The following FGF3 variants were observed in gnomAD, a reference collection of about 807,000 sequenced individuals.
FGF3 encodes fibroblast growth factor 3, also known as FGF-3.
In FGF3, 7 loss-of-function variants were observed where a neutral mutation model predicts 9.8. The observed-to-expected ratio is 0.72, with a 90% confidence interval of 0.41 to 1.35. The LOEUF is 1.35. FGF3 is among the 40% of genes most tolerant of loss of function. The pLI is 0.01. For synonymous variants in FGF3, 173 were observed against 157.2 expected, an observed-to-expected ratio of 1.10 and a Z score of -0.75; for missense variants, 390 against 345.6, an observed-to-expected ratio of 1.13 and a Z score of -1.02.
At chr11:69,815,841 C>T (rs1249938372) in intron 2 of FGF3, among the ~76,000 whole-genome samples, 2 of 152,104 alleles carry the variant, frequency 1.3e-5, no homozygotes, top group Non-Finnish European at 2.9e-5. Flanking sequence ...GCGCCATCCC[C>T]CTTCCCCTCC....
At chr11:69,817,181 G>A (rs1437712442) in intron 1 of FGF3, among the ~76,000 whole-genome samples, 6 of 152,034 alleles carry the variant, frequency 3.9e-5, no homozygotes, top group Non-Finnish European at 8.8e-5. Flanking sequence ...ATCAAAGGAC[G>A]GGTTGGGGTC....
chr11:69,818,817 A>G lies in FGF3; in HGVS notation c.117T>C (p.Leu39=). The change falls in exon 1 of 3, where the codon CTT becomes CTC. Residue 39 remains leucine (L), a synonymous_variant. Transcript: ENST00000334134. The part of the protein sequence containing the change: ...AGGRGGVYEH[L]GGAPRRRKLY... ...GCTTGCGGCGCCGGGGCGCCCCGCC[A>G]AGGTGCTCGTAGACGCCGCCACGGC... is the stretch of plus-strand genomic sequence containing the variant. The G allele has an allele frequency of 3.4e-6, 5 of 1,489,116 alleles. No individual in the cohort carries two copies. The highest frequency in any genetic ancestry group is 4.4e-6 in the Non-Finnish European group (5 of 1,126,360). The allele number at this position is 1,489,116 out of a possible 1,614,324, so 92.2% of individuals were successfully genotyped here.
In FGF3 at chr11:69,819,174, A is replaced by G. The variant is rs565600108; in HGVS notation, c.-241T>C. 59 of 382,950 alleles carry G rather than the reference A, an allele frequency of 1.5e-4. No homozygotes were observed. Among genetic ancestry groups the G allele is most frequent in the African/African-American group, 1.2e-3 (57 of 47,708 alleles). 23.7% of individuals were successfully genotyped at this position (382,950 alleles called of 1,614,324 possible). On this transcript the variant is annotated 5_prime_UTR_variant, in exon 1 of 3. Transcript: ENST00000334134. ...ACGCGAGTCCCTTTAATTTCCACCC[A>G]GGAGCAATGAAATTTCCGTTGCTGC...
At position 69,810,683 on chromosome 11, in the gene FGF3, C is replaced by G. The variant is rs782234525; in HGVS notation, c.342G>C (p.Glu114Asp). 6.3e-7 allele frequency: 1 copy of G among 1,590,772 alleles called. No individual in the cohort carries two copies. The highest frequency in any genetic ancestry group is 1.1e-5 in the South Asian group (1 of 88,622). ...RLYASEHYSA[E>D]CEFVERIHEL... ...CGTGGATCCGCTCCACAAACTCGCA[C>G]TCGGCGCTGTAGTGCTCCTGCGGGG... The change falls in exon 3 of 3, where the codon GAG becomes GAC. Residue 114 changes from glutamate to aspartate, a missense_variant. By Grantham distance (45) the Glu-to-Asp change is conservative (BLOSUM62 2). Transcript: ENST00000334134.
intron 2 of FGF3, 77 bp from the exon 3 acceptor site, chr11:69,810,777 C>CACAGGAGGGGAGGGAGG: frequency 7.4e-7 from 1 of 1,348,858 alleles, no homozygotes; most frequent in Non-Finnish European, 1.0e-6. Context: ...CCTGATGCCT[C>CACAGGAGGGGAGGGAGG]CCTCCCCTCC....
chr11:69,812,979 G>A (rs559222335), intron 2 of FGF3, among the ~76,000 whole-genome samples: 1 of 152,248 alleles, frequency 6.6e-6, no homozygotes, highest in Non-Finnish European at 1.5e-5. Context: ...GGCAGAAGGT[G>A]TTGGCTCAGG....
intron 2 of FGF3, among the ~76,000 whole-genome samples, chr11:69,813,876 A>ATGGC (rs1856081910): frequency 7.2e-6 from 1 of 138,304 alleles, no homozygotes; most frequent in Non-Finnish European, 1.6e-5. Context: ...GGATAGGTGG[A>ATGGC]TGGATGGATG....
chr11:69,819,008 A>G lies in FGF3; in HGVS notation c.-75T>C. 1 of 1,025,478 alleles carries G rather than the reference A, an allele frequency of 9.8e-7. No individual in the cohort carries two copies. The highest frequency in any genetic ancestry group is 1.8e-5 in the South Asian group (1 of 55,934). The allele number at this position is 1,025,478 out of a possible 1,614,324, so 63.5% of individuals were successfully genotyped here. A position where few individuals can be genotyped will look rare whatever the true frequency, so the allele number is the denominator to read the frequency against. The stretch of plus-strand genomic sequence containing the variant: ...CGCCCATGGAAGGGGCGGCAGCCGG[A>G]CAGCTGCGAGGTGCTCGGAGCGGGA... On this transcript the variant is annotated 5_prime_UTR_variant, in exon 1 of 3. Transcript: ENST00000334134.
At position 69,810,294 on chromosome 11, in the gene FGF3, AC is replaced by A; in HGVS notation, c.*10del. ...GTCGCCAGGAGCTCTGGCGGTGGCC[AC>A]CAGGCCCAGCTAGTGCGCACTGGCC... On this transcript the variant is annotated 3_prime_UTR_variant, in exon 3 of 3. Coordinates refer to ENST00000334134, the MANE Select transcript of FGF3 (RefSeq NM_005247.4). The A allele has an allele frequency of 6.4e-7, 1 of 1,551,058 alleles. No individual in the cohort carries two copies. Among genetic ancestry groups the A allele is most frequent in the East Asian group, 2.4e-5 (1 of 42,196 alleles).
chr11:69,818,763 C>A lies in FGF3; in HGVS notation c.171G>T (p.Gln57His), dbSNP rs2119939483. ...KLYCATKYHLQLHPSGRVNGS... is the reference protein window; with the variant it reads ...KLYCATKYHLHLHPSGRVNGS... The stretch of plus-strand genomic sequence containing the variant: ...CGTTGACGCGGCCGCTCGGGTGCAG[C>A]TGGAGGTGGTACTTCGTGGCGCAGT... The change falls in exon 1 of 3, where the codon CAG (glutamine) becomes CAT (histidine). Residue 57 changes from glutamine to histidine, a missense_variant. Physicochemically the swap from Gln to His is conservative, Grantham distance 24. Transcript: ENST00000334134. 3.9e-5 allele frequency: 58 copies of A among 1,496,948 alleles called. No homozygotes were observed. Among genetic ancestry groups the A allele is most frequent in the Non-Finnish European group, 4.8e-5 (54 of 1,129,726 alleles). The allele number at this position is 1,496,948 out of a possible 1,614,324, so 92.7% of individuals were successfully genotyped here.
At chr11:69,811,768 C>G (rs781805359) in intron 2 of FGF3, among the ~76,000 whole-genome samples, 3 of 152,182 alleles carry the variant, frequency 2.0e-5, no homozygotes, top group East Asian at 1.9e-4. Context: ...GGTGTCCCAC[C>G]ACAAGCAGGA....
chr11:69,817,068 G>C (rs1194576353), intron 1 of FGF3, among the ~76,000 whole-genome samples: 3 of 152,186 alleles, frequency 2.0e-5, no homozygotes, highest in East Asian at 1.9e-4. Context: ...GAAGCTGGAC[G>C]GGTCTCACCC....
intron 2 of FGF3, among the ~76,000 whole-genome samples, chr11:69,815,207 G>A (rs1554980972): frequency 6.8e-6 from 1 of 146,198 alleles, no homozygotes; most frequent in Non-Finnish European, 1.5e-5. Context: ...GGATGGATAG[G>A]TGGATGGTGG....
At chr11:69,818,065 G>A (rs1311197620) in intron 1 of FGF3, among the ~76,000 whole-genome samples, 1 of 151,654 alleles carries the variant, frequency 6.6e-6, no homozygotes, top group Non-Finnish European at 1.5e-5. Flanking sequence ...CAGGGCGGAG[G>A]CGGGGGAGGT....
rs1554980339 is a variant in FGF3, at chr11:69,810,547, T to G, written c.478A>C (p.Lys160Gln). The change falls in exon 3 of 3, where the codon AAG becomes CAG. Residue 160 changes from lysine to glutamine, a missense_variant. Lys to Gln is a moderately conservative substitution (Grantham distance 53). Coordinates refer to ENST00000334134, the MANE Select transcript of FGF3 (RefSeq NM_005247.4). ...ERLWYVSVNG[K>Q]GRPRRGFKTR... is the part of the protein sequence containing the mutation. Reference sequence around the variant, plus strand: ...TTGAAGCCCCTGCGGGGCCGGCCCTTGCCGTTCACAGACACGTACCACAGT... The same window carrying G: ...TTGAAGCCCCTGCGGGGCCGGCCCTGGCCGTTCACAGACACGTACCACAGT... The G allele has an allele frequency of 1.2e-6, 2 of 1,612,604 alleles. No homozygotes were observed. Among genetic ancestry groups the G allele is most frequent in the Non-Finnish European group, 1.7e-6 (2 of 1,179,768 alleles).
chr11:69,814,087 AAGG>A lies in FGF3; in HGVS notation c.324+2230_324+2232del, dbSNP rs1250458693. ...GATGAGAGAAAGGAAAGAAGGAAGG[AAGG>A]AGAGGTGTATGGACAGATGGGTGAA... On this transcript the variant is annotated intron_variant, in intron 2 of 2. Transcript: ENST00000334134. Among the ~76,000 whole-genome samples, 51 of 151,688 alleles carry A rather than the reference AAGG, an allele frequency of 3.4e-4. 1 individual carries two copies. The highest frequency in any genetic ancestry group is 9.7e-4 in the African/African-American group (40 of 41,350).
intron 2 of FGF3, among the ~76,000 whole-genome samples, chr11:69,813,816 G>GTGGATGGGTGGATGGCTGGTTGGC (rs1856077647): frequency 1.5e-5 from 1 of 66,904 alleles, no homozygotes; most frequent in Non-Finnish European, 3.5e-5. Flanking sequence ...GGGTGGATGG[G>GTGGATGGGTGGATGGCTGGTTGGC]TGGATGGGTG....
chr11:69,814,402 G>A (rs573037382), intron 2 of FGF3, among the ~76,000 whole-genome samples: 1 of 151,988 alleles, frequency 6.6e-6, no homozygotes, highest in South Asian at 2.1e-4. Flanking sequence ...TGATTAAGAT[G>A]GGGAGTCGGG....
chr11:69,810,179 G>A lies in FGF3; in HGVS notation c.*126C>T. 1.0e-6 allele frequency: 1 copy of A among 962,656 alleles called. No individual in the cohort carries two copies. Among genetic ancestry groups the A allele is most frequent in the Non-Finnish European group, 1.5e-6 (1 of 668,844 alleles). 59.6% of individuals were successfully genotyped at this position (962,656 alleles called of 1,614,324 possible). ...TCCCACTGGACCCTGATTTGAGCTG[G>A]CTCTGGAAATAGCTGAGAACCCAGA... is the stretch of plus-strand genomic sequence containing the variant. On this transcript the variant is annotated 3_prime_UTR_variant, in exon 3 of 3. Coordinates refer to ENST00000334134, the MANE Select transcript of FGF3 (RefSeq NM_005247.4).
Sources: allele counts gnomAD v4.1 joint callset (sites outside exome capture counted in the v4.1 genomes callset), GRCh38; gene constraint gnomAD v4.1.1; transcripts MANE v1.5; gene names NCBI Gene and HGNC (gene_info 2026-07-23, HGNC 2026-07-21).